LINGO3: variants seen among roughly 807,000 people sequenced by gnomAD.
LINGO3 encodes the protein leucine-rich repeat and immunoglobulin-like domain-containing nogo receptor-interacting protein 3.
For missense variants in LINGO3, 750 were observed against 867.7 expected (o/e 0.86, Z 1.70); for synonymous variants, 427 against 444.2 (o/e 0.96, Z 0.49).
At chr19:2,297,354 G>T in the LINGO3 span, among the ~76,000 whole-genome samples, 1 of 142,794 alleles carries the variant, frequency 7.0e-6, no homozygotes, top group Non-Finnish European at 1.5e-5. Flanking sequence ...GCCCAGGCTG[G>T]AGTGCAGTGG....
chr19:2,304,620 G>A, the LINGO3 span, among the ~76,000 whole-genome samples: 1 of 151,920 alleles, frequency 6.6e-6, no homozygotes, highest in Non-Finnish European at 1.5e-5. Flanking sequence ...TGAGCCAAGG[G>A]ATGCGGGTGC....
chr19:2,290,116 C>T lies in LINGO3; in HGVS notation c.1661G>A (p.Arg554His), dbSNP rs1172497945. Residue 554 changes from arginine (R) to histidine (H), a missense_variant, in exon 1 of 1, where the codon CGC becomes CAC. Transcript: ENST00000585527. The surrounding 1 kb of genome is among the most constrained non-coding windows in gnomAD (Gnocchi z 6.0). ...GTTGTTTTTGTGCTGCCCGCGGCCG[C>T]GGCTCCACACGAACAGCAGCACGAA... The T allele has an allele frequency of 4.3e-6, 7 of 1,610,120 alleles. No individual in the cohort carries two copies. The African/African-American group carries it at 8.0e-5, about 18-fold the overall frequency.
chr19:2,291,433 T>C (rs201895707), exon 1 of LINGO3: 35 of 1,613,098 alleles, frequency 2.2e-5, no homozygotes, highest in Non-Finnish European at 2.0e-5. Context: ...CGGGATGAGC[T>C]TCAGCTGGTT....
the LINGO3 span, among the ~76,000 whole-genome samples, chr19:2,306,916 C>T: frequency 2.0e-5 from 3 of 152,144 alleles, no homozygotes; most frequent in East Asian, 1.9e-4. Flanking sequence ...AAGGCCATGC[C>T]GCGGCAGCCC....
chr19:2,290,678 G>A lies in LINGO3; in HGVS notation c.1099C>T (p.Arg367Cys), dbSNP rs1479284977. The A allele has an allele frequency of 6.2e-7, 1 of 1,608,876 alleles. No individual in the cohort carries two copies. The highest frequency in any genetic ancestry group is 8.5e-7 in the Non-Finnish European group (1 of 1,178,426). ...CGCCCGTCGAAGTTGAGGGTCTTGC[G>A]ACGCTGCACGATCCACAGCAGGCGA... Residue 367 changes from arginine to cysteine, a missense_variant, in exon 1 of 1, where the codon CGC becomes TGC. Coordinates refer to ENST00000585527, the Ensembl canonical transcript of LINGO3. The surrounding 1 kb of genome is among the most constrained non-coding windows in gnomAD (Gnocchi z 6.0).
In LINGO3 at chr19:2,290,130, C is replaced by T; in HGVS notation, c.1647G>A (p.Leu549=). 1.9e-6 allele frequency: 3 copies of T among 1,611,990 alleles called. No individual in the cohort carries two copies. The highest frequency in any genetic ancestry group is 2.5e-6 in the Non-Finnish European group (3 of 1,179,342). ...GCCCGCGGCCGCGGCTCCACACGAA[C>T]AGCAGCACGAAGCAGAAGAGGACCA... Residue 549 remains leucine, a synonymous_variant, in exon 1 of 1, where the codon CTG becomes CTA. Coordinates refer to ENST00000585527, the Ensembl canonical transcript of LINGO3. The surrounding 1 kb of genome is among the most constrained non-coding windows in gnomAD (Gnocchi z 6.0).
At position 2,290,756 on chromosome 19, in the gene LINGO3, C is replaced by A; in HGVS notation, c.1021G>T (p.Val341Leu). The change falls in exon 1 of 1, where the codon GTG (valine) becomes TTG (leucine). Residue 341 changes from valine (V) to leucine (L), a missense_variant. By Grantham distance (32) the Val-to-Leu change is conservative. Transcript: ENST00000585527. The surrounding 1 kb of genome is among the most constrained non-coding windows in gnomAD (Gnocchi z 6.0). ...ACGCGCAGCGTCTCTAGCGTGTTCA[C>A]CGAGTGGAAGGTGCTCTCCTCCAAC... The A allele has an allele frequency of 6.2e-7, 1 of 1,612,898 alleles. No homozygotes were observed. The highest frequency in any genetic ancestry group is 8.5e-7 in the Non-Finnish European group (1 of 1,179,630).
the LINGO3 span, among the ~76,000 whole-genome samples, chr19:2,298,499 C>T: frequency 2.7e-5 from 4 of 150,298 alleles, no homozygotes; most frequent in Non-Finnish European, 2.9e-5. Flanking sequence ...CCGAAGGTGC[C>T]GGGAACACAG....
upstream of LINGO3, among the ~76,000 whole-genome samples, chr19:2,292,658 T>G (rs1021241471): frequency 6.6e-6 from 1 of 151,272 alleles, no homozygotes; most frequent in Admixed American, 6.6e-5. Flanking sequence ...TCCGGCTAAT[T>G]TTTGTATTTT....
At chr19:2,289,710 C>T, downstream of LINGO3, 1 of 345,342 alleles carries the variant, frequency 2.9e-6, no homozygotes, top group South Asian at 4.5e-5. Context: ...GGTTGGTAGA[C>T]GGGAGCCCAT....
the LINGO3 span, among the ~76,000 whole-genome samples, chr19:2,300,864 G>A: frequency 4.6e-5 from 7 of 152,110 alleles, no homozygotes; most frequent in African/African-American, 1.2e-4. Flanking sequence ...TGCAAACCGC[G>A]GTCTCCCCAG....
At chr19:2,292,294 A>G (rs145366197), upstream of LINGO3, among the ~76,000 whole-genome samples, 14,849 of 146,010 alleles carry the variant, frequency 0.1, 957 homozygotes, top group South Asian at 0.15. Flanking sequence ...GCTACTCAGG[A>G]GGCTGAGCCA....
exon 1 of LINGO3, chr19:2,289,910 T>A: frequency 8.8e-7 from 1 of 1,137,486 alleles, no homozygotes; most frequent in Non-Finnish European, 1.2e-6. Flanking sequence ...CGTGCAGCCG[T>A]CCCCTTCCCC....
At chr19:2,295,227 C>G (rs548677838), upstream of LINGO3, among the ~76,000 whole-genome samples, 5 of 152,198 alleles carry the variant, frequency 3.3e-5, no homozygotes, top group South Asian at 1.0e-3. Flanking sequence ...TGACTGGCAT[C>G]CTTATAAGAG....
chr19:2,292,281 C>T (rs1403602766), upstream of LINGO3, among the ~76,000 whole-genome samples: 4 of 150,908 alleles, frequency 2.7e-5, no homozygotes, highest in African/African-American at 7.3e-5. Flanking sequence ...ACCTGTGGTC[C>T]CAGCTACTCA....
At chr19:2,289,050 G>A (rs1215238801), downstream of LINGO3, among the ~76,000 whole-genome samples, 7 of 151,282 alleles carry the variant, frequency 4.6e-5, no homozygotes, top group South Asian at 1.0e-3. Context: ...AGTGTGAGCT[G>A]AGTGTGTCCT....
At chr19:2,294,234 T>C (rs1452472570), upstream of LINGO3, among the ~76,000 whole-genome samples, 1 of 152,024 alleles carries the variant, frequency 6.6e-6, no homozygotes, top group Non-Finnish European at 1.5e-5. The surrounding 1 kb of genome is among the most constrained non-coding windows in gnomAD (Gnocchi z 4.3). Context: ...CACCTAGCCC[T>C]ATACAGGGGA....
chr19:2,288,987 CTGTG>C (rs2025490232), downstream of LINGO3, among the ~76,000 whole-genome samples: 1 of 149,326 alleles, frequency 6.7e-6, no homozygotes, highest in African/African-American at 2.5e-5. This position sits in a 1 kb window ranked among gnomAD's most constrained non-coding sequence, Gnocchi z 6.5. Flanking sequence ...CGGGTGTGAG[CTGTG>C]TGTGTCCCAG....
At chr19:2,295,084 G>A (rs1307892206), upstream of LINGO3, among the ~76,000 whole-genome samples, 4 of 152,168 alleles carry the variant, frequency 2.6e-5, no homozygotes, top group Admixed American at 6.5e-5. Flanking sequence ...ATCCCAGAGC[G>A]AACAGACGCG....
Sources: allele counts gnomAD v4.1 joint callset (sites outside exome capture counted in the v4.1 genomes callset), GRCh38; gene constraint gnomAD v4.1.1; non-coding constraint Gnocchi (gnomAD v3.1); transcripts MANE v1.5; gene names NCBI Gene and HGNC (gene_info 2026-07-23, HGNC 2026-07-21).